SGMS1: variants seen among roughly 807,000 people sequenced by gnomAD.
SGMS1 encodes the protein sphingomyelin synthase 1, also known as phosphatidylcholine:ceramide cholinephosphotransferase 1.
In SGMS1, 13 loss-of-function variants were observed where a neutral mutation model predicts 46.2. The ratio of observed to expected loss-of-function variants is 0.28; its 90% confidence interval spans 0.18 to 0.45. The LOEUF (loss-of-function observed/expected upper bound fraction) is 0.45. SGMS1 is among the 20% of genes least tolerant of loss of function. SGMS1 has a pLI of 1.00. For missense variants in SGMS1, 324 were observed against 519.9 expected (o/e 0.62, Z 3.66); for synonymous variants, 203 against 187.8 (o/e 1.08, Z -0.66).
intron 6 of SGMS1, among the ~76,000 whole-genome samples, chr10:50,365,604 C>T (rs915570270): frequency 2.0e-5 from 3 of 152,052 alleles, no homozygotes; most frequent in African/African-American, 7.2e-5. Context: ...CCCCGACAGG[C>T]CCCGCTGTGT....
At chr10:50,621,764 A>C (rs1214245218) in intron 1 of SGMS1, among the ~76,000 whole-genome samples, 1 of 152,196 alleles carries the variant, frequency 6.6e-6, no homozygotes, top group African/African-American at 2.4e-5. Flanking sequence ...TAAAAACATA[A>C]ATTTCTATTC....
At chr10:50,502,323 A>C (rs80051050) in intron 3 of SGMS1, among the ~76,000 whole-genome samples, 1 of 150,334 alleles carries the variant, frequency 6.7e-6, no homozygotes, top group South Asian at 2.1e-4. Flanking sequence ...AAAAAAAAAA[A>C]CCAGCACAGC....
intron 6 of SGMS1, among the ~76,000 whole-genome samples, chr10:50,358,504 C>T (rs1351614637): frequency 3.3e-5 from 5 of 152,110 alleles, no homozygotes; most frequent in Non-Finnish European, 7.4e-5. Flanking sequence ...TTGAGACCAG[C>T]CTGGGCAAAA....
chr10:50,440,432 C>T (rs1390513949), intron 5 of SGMS1, among the ~76,000 whole-genome samples: 2 of 152,098 alleles, frequency 1.3e-5, no homozygotes, highest in Non-Finnish European at 2.9e-5. Flanking sequence ...TTTCTCTCCT[C>T]ACATGAATTT....
intron 2 of SGMS1, among the ~76,000 whole-genome samples, chr10:50,561,480 T>C (rs945992433): frequency 1.3e-5 from 2 of 152,348 alleles, no homozygotes; most frequent in African/African-American, 4.8e-5. Flanking sequence ...CCTTCTATGA[T>C]TCTGAAATGC....
chr10:50,358,627 T>A (rs1230052902), intron 6 of SGMS1, among the ~76,000 whole-genome samples: 1 of 152,194 alleles, frequency 6.6e-6, no homozygotes, highest in African/African-American at 2.4e-5. Flanking sequence ...AGGCAGAGGC[T>A]GCAGTAAGCC....
At chr10:50,517,983 G>GA (rs1391980165) in intron 3 of SGMS1, among the ~76,000 whole-genome samples, 1 of 152,032 alleles carries the variant, frequency 6.6e-6, no homozygotes, top group African/African-American at 2.4e-5. Context: ...CTCAGGAAAA[G>GA]AAAAAATTCT....
intron 6 of SGMS1, among the ~76,000 whole-genome samples, chr10:50,399,434 A>G (rs1055601579): frequency 6.6e-6 from 1 of 152,230 alleles, no homozygotes; most frequent in African/African-American, 2.4e-5. Flanking sequence ...AAAGTGGTGC[A>G]CTGAAATTAT....
intron 2 of SGMS1, among the ~76,000 whole-genome samples, chr10:50,575,969 A>G (rs1173997599): frequency 6.6e-6 from 1 of 152,140 alleles, no homozygotes; most frequent in Non-Finnish European, 1.5e-5. Flanking sequence ...CCCCATTCAC[A>G]TCCTGCCTGA....
intron 6 of SGMS1, among the ~76,000 whole-genome samples, chr10:50,417,811 C>T (rs1233194909): frequency 2.0e-5 from 3 of 152,230 alleles, no homozygotes; most frequent in Non-Finnish European, 4.4e-5. Context: ...CGGCAGTTAG[C>T]ATCACGCAAT....
chr10:50,391,737 T>C (rs1272948021), intron 6 of SGMS1, among the ~76,000 whole-genome samples: 1 of 151,864 alleles, frequency 6.6e-6, no homozygotes, highest in African/African-American at 2.4e-5. Flanking sequence ...CATAGCACTA[T>C]TCACAATGGC....
rs555944935 is a variant in SGMS1, at chr10:50,328,781, T to C, written c.624-1459A>G. On this transcript the variant is annotated intron_variant, in intron 7 of 10. Transcript: ENST00000361781. ...AGCATAAAGCTGTCTTGGCAATCTA[T>C]ATGCCTCTAATTTCAAGTAAAATAC... 4.6e-5 allele frequency among the ~76,000 whole-genome samples: 7 copies of C among 152,336 alleles called. No homozygotes were observed. The South Asian group carries it at 1.2e-3, about 27-fold the overall frequency.
chr10:50,545,232 A>G (rs1316690832), intron 2 of SGMS1, among the ~76,000 whole-genome samples: 1 of 152,166 alleles, frequency 6.6e-6, no homozygotes, highest in Non-Finnish European at 1.5e-5. Flanking sequence ...AGCATAGAAC[A>G]AGTGACCATC....
chr10:50,516,278 C>CT (rs1837805535), intron 3 of SGMS1, among the ~76,000 whole-genome samples: 1 of 152,188 alleles, frequency 6.6e-6, no homozygotes, highest in Non-Finnish European at 1.5e-5. Flanking sequence ...ATGCTGCTTT[C>CT]TATGCCTATT....
At chr10:50,370,695 C>A (rs113328558) in intron 6 of SGMS1, among the ~76,000 whole-genome samples, 4 of 150,338 alleles carry the variant, frequency 2.7e-5, no homozygotes, top group Non-Finnish European at 4.4e-5. Flanking sequence ...GAGCCGAGAT[C>A]GTGCCACTGT....
intron 6 of SGMS1, among the ~76,000 whole-genome samples, chr10:50,354,660 C>A (rs549376732): frequency 1.3e-4 from 20 of 152,226 alleles, no homozygotes; most frequent in African/African-American, 4.3e-4. Context: ...AGGCAACCTA[C>A]AGAATGGGAG....
intron 5 of SGMS1, among the ~76,000 whole-genome samples, chr10:50,448,248 T>C (rs1209737982): frequency 6.6e-6 from 1 of 151,900 alleles, no homozygotes; most frequent in Non-Finnish European, 1.5e-5. Flanking sequence ...CAAGACCTTG[T>C]CTCAAAAAAA....
At chr10:50,384,783 G>A (rs1018403505) in intron 6 of SGMS1, among the ~76,000 whole-genome samples, 5 of 152,020 alleles carry the variant, frequency 3.3e-5, no homozygotes, top group Non-Finnish European at 5.9e-5. Flanking sequence ...TAGGTTTAAA[G>A]AGAAGCTGCA....
At chr10:50,444,102 A>T (rs553650635) in intron 5 of SGMS1, among the ~76,000 whole-genome samples, 11 of 152,314 alleles carry the variant, frequency 7.2e-5, no homozygotes, top group African/African-American at 2.6e-4. Context: ...TATAGGAAAC[A>T]AGTTTTAAAA....
Sources: gnomAD v4.1 joint callset for allele counts (sites outside exome capture counted in the v4.1 genomes callset) on GRCh38, gnomAD v4.1.1 for gene constraint, MANE v1.5 for transcripts, NCBI Gene and HGNC (gene_info 2026-07-23, HGNC 2026-07-21) for gene names.